Variants in CATSPERB observed in about 807,000 individuals in gnomAD.
CATSPERB encodes the protein catsper channel auxiliary subunit beta.
Under a neutral mutation model 128.3 loss-of-function variants are expected in CATSPERB, and 93 were observed. The ratio of observed to expected loss-of-function variants is 0.72; its 90% CI spans 0.61 to 0.86. The LOEUF (loss-of-function observed/expected upper bound fraction) is 0.86. CATSPERB is among the 40% of genes least tolerant of loss of function. The pLI is 0.00. For synonymous variants in CATSPERB, 381 were observed against 448.8 expected (o/e 0.85, Z 1.91); for missense variants, 1,153 against 1,329.5 (o/e 0.87, Z 2.06).
intron 26 of CATSPERB, among the ~76,000 whole-genome samples, chr14:91,583,303 C>T (rs1352854758): frequency 6.6e-6 from 1 of 150,784 alleles, no homozygotes; most frequent in African/African-American, 2.4e-5. Flanking sequence ...CCTGTAGTCC[C>T]CGCTACTCGG....
At chr14:91,725,552 C>T (rs914264399) in intron 2 of CATSPERB, among the ~76,000 whole-genome samples, 10 of 152,254 alleles carry the variant, frequency 6.6e-5, no homozygotes, top group Admixed American at 1.3e-4. Flanking sequence ...TGTTAGGAGA[C>T]GGACCCCTTC....
intron 16 of CATSPERB, among the ~76,000 whole-genome samples, chr14:91,637,507 A>G (rs1203616854): frequency 6.6e-6 from 1 of 152,172 alleles, no homozygotes; most frequent in Non-Finnish European, 1.5e-5. Context: ...GGGAAAGTGT[A>G]TGCAAGTCCA....
At chr14:91,598,927 G>T (rs1463329152) in intron 22 of CATSPERB, among the ~76,000 whole-genome samples, 7 of 151,170 alleles carry the variant, frequency 4.6e-5, no homozygotes, top group Non-Finnish European at 8.8e-5. Context: ...CCTGTAAGCT[G>T]TCCTTGTTCA....
intron 20 of CATSPERB, among the ~76,000 whole-genome samples, chr14:91,611,157 G>T (rs1012030864): frequency 6.6e-6 from 1 of 152,048 alleles, no homozygotes. Context: ...TATAGAAAAA[G>T]AAAAGAAATA....
intron 11 of CATSPERB, among the ~76,000 whole-genome samples, chr14:91,675,219 C>G (rs1291076183): frequency 6.6e-6 from 1 of 152,208 alleles, no homozygotes; most frequent in Non-Finnish European, 1.5e-5. Context: ...CTGGATGGGA[C>G]AAGAGTTGCT....
chr14:91,647,050 C>T (rs1894618561), intron 15 of CATSPERB, among the ~76,000 whole-genome samples: 3 of 152,226 alleles, frequency 2.0e-5, no homozygotes. Context: ...GAAACCTCAT[C>T]TCTACTAAAA....
At chr14:91,729,122 G>T (rs919250826) in intron 2 of CATSPERB, among the ~76,000 whole-genome samples, 7 of 152,130 alleles carry the variant, frequency 4.6e-5, no homozygotes, top group Non-Finnish European at 7.4e-5. Context: ...GGTGAATCAC[G>T]AGGTCAGGAG....
At chr14:91,619,903 G>GTC (rs2139786035) in intron 19 of CATSPERB, among the ~76,000 whole-genome samples, 1 of 112,234 alleles carries the variant, frequency 8.9e-6, no homozygotes, top group African/African-American at 3.6e-5. Flanking sequence ...GTGTGTGTGT[G>GTC]TGTGTGTGTT....
intron 26 of CATSPERB, among the ~76,000 whole-genome samples, chr14:91,584,845 G>C (rs1743175): frequency 0.85 from 128,650 of 152,028 alleles, 54,633 homozygotes; most frequent in East Asian, 0.96. Flanking sequence ...AATATTTTAT[G>C]ATCTTGATTT....
chr14:91,728,966 A>G (rs999052703), intron 2 of CATSPERB, among the ~76,000 whole-genome samples: 6 of 152,250 alleles, frequency 3.9e-5, no homozygotes, highest in African/African-American at 1.4e-4. Context: ...ACCATAGTCT[A>G]AAAACATAAA....
rs370714692 is a variant in CATSPERB, at chr14:91,624,979, C to T, written c.1771G>A (p.Val591Ile). Residue 591 changes from valine to isoleucine, a missense_variant, in exon 18 of 27, where the codon GTA becomes ATA. By Grantham distance (29) the Val-to-Ile change is conservative. Transcript: ENST00000256343. ...GKTGRAYIRK[V>I]LQHTTPKGFL... ...CCTTTAGGAGTCGTATGTTGCAATA[C>T]CTTTCTTATGTAAGCTCTTCCAGTT... 9.3e-5 allele frequency: 148 copies of T among 1,595,276 alleles called. No homozygotes were observed. The Middle Eastern group carries it at 1.2e-3, about 13-fold the overall frequency.
chr14:91,602,200 T>A (rs552899698), intron 22 of CATSPERB, among the ~76,000 whole-genome samples: 2 of 152,174 alleles, frequency 1.3e-5, no homozygotes, highest in Non-Finnish European at 2.9e-5. Context: ...TAGCTTGGTA[T>A]TTTTCCCTGT....
At chr14:91,615,885 CT>C (rs57018442) in intron 20 of CATSPERB, among the ~76,000 whole-genome samples, 13 of 142,134 alleles carry the variant, frequency 9.1e-5, no homozygotes, top group African/African-American at 2.9e-4. Flanking sequence ...TACAGTTTTC[CT>C]TTTTTTTTTG....
chr14:91,609,091 T>C lies in CATSPERB; in HGVS notation c.2599-687A>G, dbSNP rs930035799. Among the ~76,000 whole-genome samples the C allele has an allele frequency of 7.2e-5, 11 of 152,356 alleles. No individual in the cohort carries two copies. In the South Asian group the frequency reaches 2.1e-3, roughly 29 times the overall value. On this transcript the variant is annotated intron_variant, in intron 21 of 26. Transcript: ENST00000256343. ...GATTTATAGTAGTATTCTGTATTTA[T>C]GGATACTGTAACTTTACATCATCTG...
At chr14:91,718,477 C>G (rs1333794051) in intron 5 of CATSPERB, among the ~76,000 whole-genome samples, 1 of 152,074 alleles carries the variant, frequency 6.6e-6, no homozygotes, top group African/African-American at 2.4e-5. Flanking sequence ...GTATGGTTCC[C>G]CCATCCCACT....
chr14:91,683,557 A>G (rs1895322958), intron 11 of CATSPERB, among the ~76,000 whole-genome samples: 1 of 151,926 alleles, frequency 6.6e-6, no homozygotes, highest in South Asian at 2.1e-4. Context: ...TAATTTTGAG[A>G]CAAATCAGAC....
Position 91,610,526 on chromosome 14 carries a change from C to T in CATSPERB, c.2552G>A (p.Gly851Glu). The change falls in exon 21 of 27, where the codon GGA becomes GAA. Residue 851 changes from glycine to glutamate, a missense_variant. By Grantham distance (98) the Gly-to-Glu change is moderately conservative. Transcript: ENST00000256343. ...KFIPFEDWIS[G>E]VHKDSQGFNL... ...AAAACCCTGACTGTCTTTATGAACT[C>T]CACTAATCCAGTCTTCAAATGGGAT... The T allele has an allele frequency of 6.2e-7, 1 of 1,613,922 alleles. No individual in the cohort carries two copies. The highest frequency in any genetic ancestry group is 8.5e-7 in the Non-Finnish European group (1 of 1,180,004).
At chr14:91,626,666 T>G (rs888313245) in intron 17 of CATSPERB, among the ~76,000 whole-genome samples, 5 of 152,154 alleles carry the variant, frequency 3.3e-5, no homozygotes, top group African/African-American at 1.2e-4. Context: ...CCTTCCACCA[T>G]GGGATGACGG....
rs113480433 is a variant in CATSPERB at position 91,691,465 on chromosome 14, A to T, written c.864+58T>A. On this transcript the variant is annotated intron_variant, in intron 10 of 26. Transcript: ENST00000256343. ...GAATTATTGTCTTGCATCTCATCTC[A>T]AGTTACCAAGTAAACACATATCTTC... The T allele has an allele frequency of 2.4e-6, 3 of 1,247,480 alleles. No individual in the cohort carries two copies. The East Asian group carries it at 7.1e-5, about 30-fold the overall frequency. 77.3% of individuals were successfully genotyped at this position (1,247,480 alleles called of 1,614,324 possible). A position where few individuals can be genotyped will look rare whatever the true frequency, so the allele number is the denominator to read the frequency against.
Sources: gnomAD v4.1 joint callset for allele counts (sites outside exome capture counted in the v4.1 genomes callset) on GRCh38, gnomAD v4.1.1 for gene constraint, MANE v1.5 for transcripts, NCBI Gene and HGNC (gene_info 2026-07-23, HGNC 2026-07-21) for gene names.